The following ACTN3 variants were observed in gnomAD, a reference collection of about 807,000 sequenced individuals.
ACTN3 encodes the protein actinin alpha 3.
In ACTN3, 91 loss-of-function variants were observed where a neutral mutation model predicts 119.6. The observed-to-expected ratio is 0.76, with a 90% confidence interval of 0.64 to 0.91. The LOEUF (loss-of-function observed/expected upper bound fraction) is 0.91, where lower values mean the gene tolerates loss of function less well. ACTN3 is among the 40% of genes least tolerant of loss of function. The pLI is 0.00. For synonymous variants in ACTN3, 456 were observed against 478.8 expected (o/e 0.95, Z 0.62); for missense variants, 1,221 against 1,215.1 (o/e 1.00, Z -0.07).
chr11:66,549,722 ACT>A (rs1343209224), intron 1 of ACTN3, among the ~76,000 whole-genome samples: 1 of 106,016 alleles, frequency 9.4e-6, no homozygotes, highest in African/African-American at 3.9e-5. Flanking sequence ...CAAGCGCGAA[ACT>A]CTGTCTCCAA....
Position 66,554,649 on chromosome 11 carries a change from T to C in ACTN3, c.557+26T>C, listed in dbSNP as rs756650308. 28 of 1,589,378 alleles carry C rather than the reference T, an allele frequency of 1.8e-5. No homozygotes were observed. In the African/African-American group the frequency reaches 2.7e-4, roughly 15 times the overall value. ...GTCTGTCAGGTGGTTACCAAATGTGTCTGGGCCTCTGTGGGGTACTGGGCA... is the reference window on the plus strand; with the variant it reads ...GTCTGTCAGGTGGTTACCAAATGTGCCTGGGCCTCTGTGGGGTACTGGGCA... On this transcript the variant is annotated intron_variant, in intron 5 of 20. Transcript: ENST00000513398.
At position 66,561,262 on chromosome 11, in the gene ACTN3, G is replaced by A; in HGVS notation, c.1896G>A (p.Leu632=). ...RKLVPSCDQT[L]QEELARQQVN... is the part of the protein sequence containing the mutation. ...TGGTGCCCAGCTGTGACCAGACACTGCAGGAGGAGCTGGCACGGCAGCAGG... is the reference window on the plus strand; with the variant it reads ...TGGTGCCCAGCTGTGACCAGACACTACAGGAGGAGCTGGCACGGCAGCAGG... The change falls in exon 16 of 21, where the codon CTG becomes CTA. Residue 632 remains leucine, a synonymous_variant. Coordinates refer to ENST00000513398, the MANE Select transcript of ACTN3 (RefSeq NM_001104.4). 6.3e-7 allele frequency: 1 copy of A among 1,599,610 alleles called. No homozygotes were observed. The highest frequency in any genetic ancestry group is 8.5e-7 in the Non-Finnish European group (1 of 1,174,294).
rs748097757 is a variant in ACTN3, at chr11:66,551,235, C to T, written c.148-4C>T. ...AGGGTTTGAGTGCTGTCCTCTGCCC[C>T]TAGACCTTCACTGCCTGGTGCAACT... On this transcript the variant is annotated splice_region_variant and splice_polypyrimidine_tract_variant and intron_variant, in intron 1 of 20. Transcript: ENST00000513398. 3 of 1,604,032 alleles carry T rather than the reference C, an allele frequency of 1.9e-6. No homozygotes were observed. The highest frequency in any genetic ancestry group is 2.2e-5 in the East Asian group (1 of 44,506).
rs1172657196 is a variant in ACTN3, at chr11:66,557,818, G to A, written c.1017G>A (p.Pro339=). The change falls in exon 10 of 21, where the codon CCG becomes CCA. Residue 339 remains proline, a synonymous_variant. Transcript: ENST00000513398. ...GGGACTACCGGCGTCTGCACAAGCC[G>A]CCCCGCATTCAGGAAAAGTGCCAGC... The part of the protein sequence containing the change: ...DFRDYRRLHK[P]PRIQEKCQLE... 11 of 1,614,062 alleles carry A rather than the reference G, an allele frequency of 6.8e-6. No homozygotes were observed. The highest frequency in any genetic ancestry group is 1.7e-5 in the Admixed American group (1 of 59,990).
chr11:66,548,517 C>T (rs1382417586), intron 1 of ACTN3, among the ~76,000 whole-genome samples: 1 of 152,228 alleles, frequency 6.6e-6, no homozygotes, highest in East Asian at 1.9e-4. Flanking sequence ...CATTCAATGG[C>T]TGGCACAGCA....
intron 1 of ACTN3, among the ~76,000 whole-genome samples, chr11:66,549,732 CAAAAAAAA>C (rs61393902): frequency 7.0e-5 from 3 of 43,022 alleles, no homozygotes; most frequent in Admixed American, 3.3e-4. Flanking sequence ...ACTCTGTCTC[CAAAAAAAA>C]AAAAAAAAAA....
At chr11:66,555,237 G>C in intron 6 of ACTN3, 29 bp downstream of exon 6, 1 of 1,613,794 alleles carries the variant, frequency 6.2e-7, no homozygotes, top group Non-Finnish European at 8.5e-7. Context: ...CCAGCCCAAG[G>C]CCTCTGCCTG....
chr11:66,547,772 G>A (rs987726475), intron 1 of ACTN3, among the ~76,000 whole-genome samples: 1 of 152,148 alleles, frequency 6.6e-6, no homozygotes, highest in Non-Finnish European at 1.5e-5. Context: ...CCCTTACGCT[G>A]TAACCTGACT....
intron 17 of ACTN3, 70 bp from the exon 18 acceptor site, chr11:66,561,951 TG>T: frequency 6.5e-7 from 1 of 1,535,032 alleles, no homozygotes; most frequent in Non-Finnish European, 8.8e-7. Context: ...TTCAGTGAAC[TG>T]GATGTGGAGC....
Position 66,554,544 on chromosome 11 carries a change from G to A in ACTN3, c.478G>A (p.Ala160Thr). The A allele has an allele frequency of 6.2e-7, 1 of 1,609,872 alleles. No homozygotes were observed. Among genetic ancestry groups the A allele is most frequent in the South Asian group, 1.1e-5 (1 of 90,432 alleles). The change falls in exon 5 of 21, where the codon GCC (alanine) becomes ACC (threonine). Residue 160 changes from alanine (A) to threonine (T), a missense_variant. By Grantham distance (58) the Ala-to-Thr change is moderately conservative. This residue lies in a region of ACTN3 where 239 missense variants were observed against 231.8 expected (regional missense o/e 1.03). Transcript: ENST00000513398. ...ACCTCCCCCCGACCCAGAAACCTCA[G>A]CCAAGGAAGGCTTGCTTCTGTGGTG... ...IQDISVEETS[A>T]KEGLLLWCQR...
intron 5 of ACTN3, 41 bp downstream of exon 5, chr11:66,554,664 G>A: frequency 6.5e-7 from 1 of 1,546,614 alleles, no homozygotes. Context: ...GCCTCTGTGG[G>A]GTACTGGGCA....
intron 12 of ACTN3, among the ~76,000 whole-genome samples, chr11:66,559,688 G>A (rs1349333123): frequency 2.0e-5 from 3 of 151,128 alleles, no homozygotes; most frequent in Non-Finnish European, 4.4e-5. Flanking sequence ...CATCAGCCTT[G>A]GCCTGGCCAC....
intron 11 of ACTN3, among the ~76,000 whole-genome samples, chr11:66,558,494 A>G (rs1857655047): frequency 6.6e-6 from 1 of 152,132 alleles, no homozygotes; most frequent in Non-Finnish European, 1.5e-5. Flanking sequence ...CAGCCACCCA[A>G]GTAGCTGGGA....
At position 66,558,145 on chromosome 11, in the gene ACTN3, A is replaced by C; in HGVS notation, c.1247A>C (p.Lys416Thr). The change falls in exon 11 of 21, where the codon AAG becomes ACG. Residue 416 changes from lysine (K) to threonine (T), a missense_variant. Physicochemically the swap from Lys to Thr is moderately conservative, Grantham distance 78. This residue lies in a region of ACTN3 where 934 missense variants were observed against 899.9 expected (regional missense o/e 1.04). Transcript: ENST00000513398. ...LQHLAEKFRQ[K>T]ASLHEAWTRG... ...CACCTGGCTGAGAAGTTCCGGCAGA[A>C]GGCCTCCCTGCACGAAGCCTGGACC... 1 of 1,613,782 alleles carries C rather than the reference A, an allele frequency of 6.2e-7. No individual in the cohort carries two copies. Among genetic ancestry groups the C allele is most frequent in the Non-Finnish European group, 8.5e-7 (1 of 1,179,890 alleles).
chr11:66,561,708 G>A (rs1055545000), intron 17 of ACTN3, 71 bp downstream of exon 17: 2 of 1,510,286 alleles, frequency 1.3e-6, no homozygotes, highest in East Asian at 2.4e-5. Flanking sequence ...ATCACAGCTG[G>A]ACAGAGCATG....
At chr11:66,547,188 A>G in intron 1 of ACTN3, 104 bp downstream of exon 1, 2 of 1,318,136 alleles carry the variant, frequency 1.5e-6, no homozygotes, top group Non-Finnish European at 2.0e-6. Flanking sequence ...TCTTTAACCT[A>G]GAGTGCTAAT....
chr11:66,546,597 G>A (rs1857345949), upstream of ACTN3: 2 of 1,535,616 alleles, frequency 1.3e-6, no homozygotes, highest in South Asian at 1.2e-5. Flanking sequence ...AGCGGCCCGC[G>A]GCCACTATTA....
At chr11:66,546,765 C>G (rs538398462), upstream of ACTN3, 28 of 1,535,532 alleles carry the variant, frequency 1.8e-5, no homozygotes, top group Admixed American at 3.9e-4. Context: ...CAGTTCCCGG[C>G]TTCAGGACAA....
chr11:66,556,772 G>GTTTTGT (rs147617581), intron 8 of ACTN3, among the ~76,000 whole-genome samples: 1 of 151,082 alleles, frequency 6.6e-6, no homozygotes, highest in East Asian at 2.0e-4. Context: ...GTTTTGTTTT[G>GTTTTGT]TTTTTTGAGA....
Sources: allele counts gnomAD v4.1 joint callset (sites outside exome capture counted in the v4.1 genomes callset), GRCh38; gene constraint gnomAD v4.1.1; regional missense constraint gnomAD v4.1.1; transcripts MANE v1.5; gene names NCBI Gene and HGNC (gene_info 2026-07-23, HGNC 2026-07-21).